The following BCAS4 variants were observed in gnomAD, a reference collection of about 807,000 sequenced individuals.
BCAS4 encodes the protein breast carcinoma amplified sequence 4, also known as breast carcinoma-amplified sequence 4.
In BCAS4, 9 loss-of-function variants were observed where a neutral mutation model predicts 15.7. The ratio of observed to expected loss-of-function variants is 0.57; its 90% confidence interval spans 0.34 to 1.00. BCAS4 has a LOEUF of 1.00. Ranked by LOEUF, BCAS4 falls within the 50% of genes least tolerant of loss-of-function variation. BCAS4 has a pLI of 0.02. For missense variants in BCAS4, 225 were observed against 239.1 expected (o/e 0.94, Z 0.39); for synonymous variants, 101 against 99.5 (o/e 1.02, Z -0.09).
At chr20:50,852,030 T>G (rs536358171) in intron 4 of BCAS4, among the ~76,000 whole-genome samples, 148 of 152,332 alleles carry the variant, frequency 9.7e-4, no homozygotes, top group African/African-American at 3.4e-3. Flanking sequence ...TGGGCTGTCT[T>G]TGGGCCACCA....
upstream of BCAS4, chr20:50,795,038 C>G (rs1234105895): frequency 6.9e-7 from 1 of 1,440,608 alleles, no homozygotes; most frequent in Non-Finnish European, 9.1e-7. Context: ...GGCGCAACCA[C>G]GGGCTCCCAG....
At chr20:50,853,011 G>A (rs1978524510) in intron 4 of BCAS4, among the ~76,000 whole-genome samples, 1 of 152,150 alleles carries the variant, frequency 6.6e-6, no homozygotes, top group Non-Finnish European at 1.5e-5. Context: ...AAGGGAGGCA[G>A]TTGGTGGGAT....
chr20:50,817,872 T>C (rs1276123776), intron 1 of BCAS4, among the ~76,000 whole-genome samples: 4 of 152,078 alleles, frequency 2.6e-5, no homozygotes, highest in Admixed American at 2.6e-4. Flanking sequence ...AACTGTGTGA[T>C]CTTGAGCAGG....
At chr20:50,825,330 C>G (rs1419707588) in intron 2 of BCAS4, among the ~76,000 whole-genome samples, 1 of 152,110 alleles carries the variant, frequency 6.6e-6, no homozygotes, top group East Asian at 1.9e-4. Flanking sequence ...GACCCTCTCA[C>G]CTCGGCCTCT....
intron 1 of BCAS4, among the ~76,000 whole-genome samples, chr20:50,815,761 A>T (rs2088129427): frequency 6.6e-6 from 1 of 152,162 alleles, no homozygotes; most frequent in South Asian, 2.1e-4. Flanking sequence ...TGCTGGAAGC[A>T]GCAGGAACTG....
At chr20:50,867,661 C>T (rs1979425122) in intron 4 of BCAS4, among the ~76,000 whole-genome samples, 1 of 152,192 alleles carries the variant, frequency 6.6e-6, no homozygotes, top group Admixed American at 6.5e-5. Flanking sequence ...CTCCTGTAAC[C>T]CCAGCACTTT....
intron 4 of BCAS4, among the ~76,000 whole-genome samples, chr20:50,853,741 GGTGTTTTGTGT>G (rs1978592146): frequency 7.1e-6 from 1 of 140,456 alleles, no homozygotes; most frequent in Non-Finnish European, 1.5e-5. Context: ...TGTACTGGGG[GGTGTTTTGTGT>G]ACTGGGGGTG....
intron 1 of BCAS4, among the ~76,000 whole-genome samples, chr20:50,798,399 A>G (rs77451197): frequency 0.16 from 23,712 of 151,222 alleles, 1,899 homozygotes; most frequent in African/African-American, 0.17. Context: ...CTGGGCCAGG[A>G]GCAATGGCTT....
the BCAS4 span, chr20:50,882,357 T>C: frequency 6.6e-6 from 1 of 152,250 alleles, no homozygotes; most frequent in Non-Finnish European, 1.5e-5. Flanking sequence ...CTGGGTTTTA[T>C]TCCTTTATAG....
At chr20:50,827,859 T>C (rs951125768) in intron 2 of BCAS4, among the ~76,000 whole-genome samples, 5 of 152,142 alleles carry the variant, frequency 3.3e-5, no homozygotes, top group Admixed American at 3.3e-4. Context: ...CCCGAGTAGC[T>C]GGGACTACAG....
intron 4 of BCAS4, among the ~76,000 whole-genome samples, chr20:50,873,599 G>A (rs918901855): frequency 2.0e-5 from 3 of 152,244 alleles, no homozygotes; most frequent in African/African-American, 4.8e-5. Context: ...ACCCACCAGC[G>A]GCAGCCCTCT....
intron 4 of BCAS4, among the ~76,000 whole-genome samples, chr20:50,859,084 T>A (rs1978930135): frequency 6.6e-6 from 1 of 151,994 alleles, no homozygotes; most frequent in Non-Finnish European, 1.5e-5. Context: ...ACTACAGGTG[T>A]GCCACCATGC....
At chr20:50,847,933 T>C (rs532520755) in intron 4 of BCAS4, among the ~76,000 whole-genome samples, 2 of 152,118 alleles carry the variant, frequency 1.3e-5, no homozygotes, top group African/African-American at 4.8e-5. Flanking sequence ...TATTCCCAGC[T>C]ACTCAGGAGG....
At chr20:50,839,811 G>C (rs2088454551) in intron 3 of BCAS4, among the ~76,000 whole-genome samples, 1 of 152,086 alleles carries the variant, frequency 6.6e-6, no homozygotes, top group Non-Finnish European at 1.5e-5. Context: ...CCTGGCCAAG[G>C]TTGATACTGT....
rs1381718477 is a variant in BCAS4, at chr20:50,840,416, T to C, written c.265-1350T>C. Reference sequence around the variant, plus strand: ...TTCACCAACATGCAAGTTCTTTCCTTCCCTGCCAGCCAGATAGACAGATGG... The same window carrying C: ...TTCACCAACATGCAAGTTCTTTCCTCCCCTGCCAGCCAGATAGACAGATGG... On this transcript the variant is annotated intron_variant, in intron 3 of 4. Transcript: ENST00000371608. The C allele has an allele frequency of 1.6e-5, 11 of 683,580 alleles. No individual in the cohort carries two copies. The Admixed American group carries it at 2.6e-4, about 16-fold the overall frequency. 42.3% of individuals were successfully genotyped at this position (683,580 alleles called of 1,614,324 possible).
Position 50,795,077 on chromosome 20 carries a change from C to G in BCAS4, c.-7C>G. The stretch of plus-strand genomic sequence containing the variant: ...GCCTCCGCCAGCCGGACCCCGTCGC[C>G]CTCCTGATGCTGCTCGTGGACGCTG... On this transcript the variant is annotated 5_prime_UTR_variant, in exon 1 of 5. Coordinates refer to ENST00000371608, the MANE Select transcript of BCAS4 (RefSeq NM_198799.4). 1 of 1,494,850 alleles carries G rather than the reference C, an allele frequency of 6.7e-7. No individual in the cohort carries two copies. Among genetic ancestry groups the G allele is most frequent in the Non-Finnish European group, 8.9e-7 (1 of 1,122,678 alleles). 92.6% of individuals were successfully genotyped at this position (1,494,850 alleles called of 1,614,324 possible). A position where few individuals can be genotyped will look rare whatever the true frequency, so the allele number is the denominator to read the frequency against.
intron 4 of BCAS4, among the ~76,000 whole-genome samples, chr20:50,872,322 G>C (rs1259295102): frequency 7.0e-6 from 1 of 142,442 alleles, no homozygotes; most frequent in Non-Finnish European, 1.5e-5. Flanking sequence ...TGTAATTCCA[G>C]CACTTTGGGA....
At chr20:50,821,741 G>T (rs2088219288) in intron 2 of BCAS4, among the ~76,000 whole-genome samples, 1 of 152,116 alleles carries the variant, frequency 6.6e-6, no homozygotes, top group Non-Finnish European at 1.5e-5. Flanking sequence ...ATAAAATTAG[G>T]CTGTTAGAAA....
rs2088328214 is a variant in BCAS4, at chr20:50,830,331, C to T, written c.215C>T (p.Ala72Val). ...GAGGAAAACATCCCAGTCCTTAAGG[C>T]CAAACTGACAGAAATGCGTGGCATC... ...ILEENIPVLKAKLTEMRGIYA... is the reference protein window; with the variant it reads ...ILEENIPVLKVKLTEMRGIYA... Residue 72 changes from alanine (A) to valine (V), a missense_variant, in exon 3 of 5, where the codon GCC (alanine) becomes GTC (valine). Physicochemically the swap from Ala to Val is moderately conservative, Grantham distance 64. Transcript: ENST00000371608. The T allele has an allele frequency of 1.2e-6, 2 of 1,614,018 alleles. No homozygotes were observed. The highest frequency in any genetic ancestry group is 4.5e-5 in the East Asian group (2 of 44,858).
Sources: gnomAD v4.1 joint callset for allele counts (sites outside exome capture counted in the v4.1 genomes callset) on GRCh38, gnomAD v4.1.1 for gene constraint, MANE v1.5 for transcripts, NCBI Gene and HGNC (gene_info 2026-07-23, HGNC 2026-07-21) for gene names.